Variants in SIPA1L2 observed in about 807,000 individuals in gnomAD.
SIPA1L2 encodes the protein signal induced proliferation associated 1 like 2, also known as signal-induced proliferation-associated 1-like protein 2.
SIPA1L2 carries 56 observed loss-of-function variants against 163.9 expected under a neutral mutation model. That is an observed-to-expected ratio of 0.34 (90% CI 0.28 to 0.43). The LOEUF (loss-of-function observed/expected upper bound fraction) is 0.43, where lower values mean the gene tolerates loss of function less well. Ranked by LOEUF, SIPA1L2 falls within the 20% of genes least tolerant of loss-of-function variation. The pLI, the probability that SIPA1L2 is intolerant of heterozygous loss-of-function variation, is 1.00. For missense variants in SIPA1L2, 1,974 were observed against 2,193.5 expected, an observed-to-expected ratio of 0.90 and a Z score of 2.00; for synonymous variants, 877 against 865.7, an observed-to-expected ratio of 1.01 and a Z score of -0.23.
chr1:232,428,987 G>C (rs1443712552), intron 16 of SIPA1L2, among the ~76,000 whole-genome samples: 2 of 152,152 alleles, frequency 1.3e-5, no homozygotes, highest in Non-Finnish European at 2.9e-5. Flanking sequence ...CAACAGAGAG[G>C]AAGCCACCCG....
At chr1:232,600,542 C>T (rs1465482558) in intron 1 of SIPA1L2, among the ~76,000 whole-genome samples, 3 of 152,278 alleles carry the variant, frequency 2.0e-5, no homozygotes, top group Middle Eastern at 3.4e-3. Flanking sequence ...ACTGTTGTGT[C>T]TGAAACAGGC....
At chr1:232,561,890 A>G (rs1447002651) in intron 2 of SIPA1L2, among the ~76,000 whole-genome samples, 3 of 152,244 alleles carry the variant, frequency 2.0e-5, no homozygotes, top group African/African-American at 7.2e-5. Flanking sequence ...CAAAGGCCTC[A>G]GGTGACTCTT....
chr1:232,487,919 TACACACACACACAC>T (rs5781699), intron 5 of SIPA1L2, among the ~76,000 whole-genome samples: 17 of 144,300 alleles, frequency 1.2e-4, no homozygotes, highest in African/African-American at 3.3e-4. Flanking sequence ...GTAATTAGGT[TACACACACACACAC>T]ACACACACAC....
intron 1 of SIPA1L2, among the ~76,000 whole-genome samples, chr1:232,584,021 G>A (rs77314196): frequency 0.01 from 1,554 of 152,152 alleles, 19 homozygotes; most frequent in African/African-American, 0.028. Context: ...ACTCTTCCCC[G>A]CTCTCTGTAT....
intron 1 of SIPA1L2, among the ~76,000 whole-genome samples, chr1:232,596,152 G>T (rs564450711): frequency 6.6e-6 from 1 of 152,258 alleles, no homozygotes; most frequent in South Asian, 2.1e-4. Flanking sequence ...AAACTAACCA[G>T]GATTCCGGAA....
chr1:232,542,171 C>G (rs789638), intron 2 of SIPA1L2, among the ~76,000 whole-genome samples: 36,701 of 152,100 alleles, frequency 0.24, 4,756 homozygotes, highest in Middle Eastern at 0.33. Flanking sequence ...AAAGTCGCTT[C>G]GCGATATATA....
At chr1:232,420,606 C>T (rs182644664) in intron 18 of SIPA1L2, among the ~76,000 whole-genome samples, 2,432 of 152,156 alleles carry the variant, frequency 0.016, 63 homozygotes, top group African/African-American at 0.055. Flanking sequence ...GAGGCCGAGG[C>T]GGGCGGATCA....
chr1:232,596,439 C>A (rs1470111003), intron 1 of SIPA1L2, among the ~76,000 whole-genome samples: 2 of 152,180 alleles, frequency 1.3e-5, no homozygotes, highest in African/African-American at 2.4e-5. Context: ...AGAGCTCCAT[C>A]AAAGCAGAAC....
At chr1:232,429,923 A>G (rs1210152463) in intron 16 of SIPA1L2, among the ~76,000 whole-genome samples, 2 of 152,344 alleles carry the variant, frequency 1.3e-5, no homozygotes, top group East Asian at 3.9e-4. Flanking sequence ...TATTACATCC[A>G]TAATTACGAT....
intron 22 of SIPA1L2, 64 bp from the exon 23 acceptor site, chr1:232,399,337 G>A (rs573482656): frequency 1.1e-5 from 17 of 1,533,920 alleles, no homozygotes; most frequent in Non-Finnish European, 1.5e-5. Context: ...CTCCTAAGCT[G>A]GGCTACGAGA....
At chr1:232,431,125 C>T (rs771337051) in intron 16 of SIPA1L2, among the ~76,000 whole-genome samples, 12 of 152,106 alleles carry the variant, frequency 7.9e-5, no homozygotes, top group East Asian at 1.9e-4. Flanking sequence ...AGTACTACGG[C>T]GACATATAAA....
chr1:232,565,278 C>T (rs950861649), intron 2 of SIPA1L2, among the ~76,000 whole-genome samples: 5 of 152,180 alleles, frequency 3.3e-5, no homozygotes, highest in African/African-American at 9.7e-5. Flanking sequence ...TCTAACTCTC[C>T]GATTAAGGTT....
At chr1:232,482,691 C>A (rs957942669) in intron 6 of SIPA1L2, among the ~76,000 whole-genome samples, 3 of 152,150 alleles carry the variant, frequency 2.0e-5, no homozygotes, top group Admixed American at 2.0e-4. Flanking sequence ...ACAGAACTGA[C>A]TATAGGCACC....
Position 232,465,180 on chromosome 1 carries a change from T to A in SIPA1L2, c.2480A>T (p.Lys827Met). ...VTTATVDTSVKFSFITLGAKK... is the reference protein window; with the variant it reads ...VTTATVDTSVMFSFITLGAKK... ...CGCACCCAGCGTAATGAAGCTGAAC[T>A]TCACAGAGGTATCCACGGTGGCGGT... is the stretch of plus-strand genomic sequence containing the variant. The change falls in exon 9 of 23, where the codon AAG (lysine) becomes ATG (methionine). Residue 827 changes from lysine (K) to methionine (M), a missense_variant. Physicochemically the swap from Lys to Met is moderately conservative, Grantham distance 95. Transcript: ENST00000674635. This position sits in a 1 kb window ranked among gnomAD's most constrained non-coding sequence, Gnocchi z 4.1. The A allele has an allele frequency of 6.2e-7, 1 of 1,614,196 alleles. No homozygotes were observed. The highest frequency in any genetic ancestry group is 1.1e-5 in the South Asian group (1 of 91,080).
chr1:232,489,143 G>A (rs1240269729), intron 5 of SIPA1L2, among the ~76,000 whole-genome samples: 2 of 152,164 alleles, frequency 1.3e-5, no homozygotes, highest in African/African-American at 4.8e-5. Context: ...CACCTGCTCT[G>A]TAGTACAGTG....
chr1:232,572,696 T>TAC (rs1441301650), intron 2 of SIPA1L2, among the ~76,000 whole-genome samples: 1 of 18,886 alleles, frequency 5.3e-5, no homozygotes, highest in Non-Finnish European at 8.5e-5. Flanking sequence ...TATACATACA[T>TAC]ATATATATAT....
chr1:232,581,583 T>A (rs1395449143), intron 1 of SIPA1L2, among the ~76,000 whole-genome samples: 1 of 152,222 alleles, frequency 6.6e-6, no homozygotes, highest in African/African-American at 2.4e-5. Flanking sequence ...TAAGTTACTT[T>A]GAGTTTCTTT....
intron 19 of SIPA1L2, among the ~76,000 whole-genome samples, chr1:232,406,604 G>C (rs980798253): frequency 2.0e-5 from 3 of 152,164 alleles, no homozygotes; most frequent in African/African-American, 7.2e-5. Flanking sequence ...TGGATTGGTG[G>C]GGGTGAATGG....
At chr1:232,448,169 C>A (rs764519759) in intron 10 of SIPA1L2, among the ~76,000 whole-genome samples, 1 of 152,146 alleles carries the variant, frequency 6.6e-6, no homozygotes, top group Non-Finnish European at 1.5e-5. Context: ...TGATTTAAGT[C>A]GGCTATGCCT....
Sources: allele counts gnomAD v4.1 joint callset (sites outside exome capture counted in the v4.1 genomes callset), GRCh38; gene constraint gnomAD v4.1.1; non-coding constraint Gnocchi (gnomAD v3.1); transcripts MANE v1.5; gene names NCBI Gene and HGNC (gene_info 2026-07-23, HGNC 2026-07-21).